The following GRIA3 variants were observed in gnomAD, a reference collection of about 807,000 sequenced individuals.
The protein encoded by GRIA3 is glutamate ionotropic receptor AMPA type subunit 3, also known as glutamate receptor 3.
In GRIA3, 3 loss-of-function variants were observed where a neutral mutation model predicts 63.0. The observed-to-expected ratio is 0.05, with a 90% CI of 0.02 to 0.12. The LOEUF (loss-of-function observed/expected upper bound fraction) is 0.12. GRIA3 is among the 10% of genes least tolerant of loss of function. The pLI, the probability that GRIA3 is intolerant of heterozygous loss-of-function variation, is 1.00. For missense variants in GRIA3, 347 were observed against 700.9 expected (o/e 0.50, Z 5.70); for synonymous variants, 274 against 257.9 (o/e 1.06, Z -0.60).
chrX:123,191,081 G>A (rs761264782), intron 2 of GRIA3, among the ~76,000 whole-genome samples: 1 of 112,036 alleles, frequency 8.9e-6, no homozygotes, highest in Non-Finnish European at 1.9e-5. Context: ...ATAACTTTGG[G>A]GGAGACTAAT....
chrX:123,235,822 A>AT (rs1316210411), intron 2 of GRIA3, among the ~76,000 whole-genome samples: 3 of 93,945 alleles, frequency 3.2e-5, no homozygotes, highest in African/African-American at 1.2e-4. Context: ...GGCCAGATAC[A>AT]TTAAAAAAAA....
At chrX:123,403,189 A>G in intron 8 of GRIA3, 91 bp downstream of exon 8, 5 of 627,031 alleles carry the variant, frequency 8.0e-6, no homozygotes, top group East Asian at 3.3e-5. Context: ...ATTTTACAAA[A>G]TATCAGTAAG....
chrX:123,303,931 GA>G (rs760971977), intron 3 of GRIA3, among the ~76,000 whole-genome samples: 30 of 109,958 alleles, frequency 2.7e-4, no homozygotes, highest in East Asian at 8.6e-4. Context: ...GAGATTTTAG[GA>G]AAAAAAAAAT....
rs1360551440 is a variant in GRIA3, at chrX:123,302,108, C to T, written c.509-23918C>T. ...TAAGAAATGGTGTTTCTGTGCAAAG[C>T]ACACCTTTAAAAGACAGACTGAACA... is the stretch of plus-strand genomic sequence containing the variant. On this transcript the variant is annotated intron_variant, in intron 3 of 15. Transcript: ENST00000620443. Among the ~76,000 whole-genome samples the T allele has an allele frequency of 3.6e-5, 4 of 111,970 alleles. No homozygotes were observed. In the Admixed American group the frequency reaches 3.8e-4, roughly 11 times the overall value.
At chrX:123,225,710 A>G (rs765061476) in intron 2 of GRIA3, among the ~76,000 whole-genome samples, 1 of 111,988 alleles carries the variant, frequency 8.9e-6, no homozygotes, top group African/African-American at 3.2e-5. Context: ...TAATACACCA[A>G]GCAATAACTT....
chrX:123,252,341 C>T (rs1482652493), intron 2 of GRIA3, among the ~76,000 whole-genome samples: 4 of 112,523 alleles, frequency 3.6e-5, no homozygotes, highest in Admixed American at 1.9e-4. Context: ...CCTTAAATCA[C>T]ACCACATTAT....
intron 3 of GRIA3, among the ~76,000 whole-genome samples, chrX:123,306,060 G>C (rs905239774): frequency 1.8e-5 from 2 of 111,595 alleles, no homozygotes; most frequent in African/African-American, 6.5e-5. Flanking sequence ...CCCTCAGATT[G>C]ATCATTCAAG....
rs185974159 is a variant in GRIA3, at chrX:123,450,927, G to A, written c.2077-13938G>A. 2.1e-3 allele frequency among the ~76,000 whole-genome samples: 232 copies of A among 111,977 alleles called. 1 individual carries two copies. Among genetic ancestry groups the A allele is most frequent in the African/African-American group, 7.3e-3 (225 of 30,791 alleles). ...CGTGGAGAGAAAAGCATTCCAGATGGAATAGCGTTAGCAAAGGCCCTGACA... is the reference window on the plus strand; with the variant it reads ...CGTGGAGAGAAAAGCATTCCAGATGAAATAGCGTTAGCAAAGGCCCTGACA... On this transcript the variant is annotated intron_variant, in intron 12 of 15. Transcript: ENST00000620443.
At chrX:123,402,123 C>G (rs1286351599) in intron 7 of GRIA3, among the ~76,000 whole-genome samples, 1 of 110,880 alleles carries the variant, frequency 9.0e-6, no homozygotes, top group African/African-American at 3.3e-5. Context: ...GTGCTCCATA[C>G]TCCTGACCCC....
rs778681545 is a variant in GRIA3, at chrX:123,465,019, T to C, written c.2231T>C (p.Ile744Thr). ...CTGGAGTCAACCATGAATGAGTACA[T>C]TGAGCAGAGAAAACCATGTGATACG... ...FLLESTMNEY[I>T]EQRKPCDTMK... The change falls in exon 13 of 16, where the codon ATT (isoleucine) becomes ACT (threonine). Residue 744 changes from isoleucine to threonine, a missense_variant. Coordinates refer to ENST00000620443, the MANE Select transcript of GRIA3 (RefSeq NM_007325.5). The C allele has an allele frequency of 8.3e-7, 1 of 1,209,744 alleles. No individual in the cohort carries two copies. The highest frequency in any genetic ancestry group is 1.1e-6 in the Non-Finnish European group (1 of 893,914).
intron 3 of GRIA3, among the ~76,000 whole-genome samples, chrX:123,290,390 T>C (rs1209867435): frequency 8.9e-6 from 1 of 111,820 alleles, no homozygotes; most frequent in African/African-American, 3.2e-5. Flanking sequence ...CATTGTGAGC[T>C]TCTCAATACA....
At chrX:123,486,308 G>A (rs1254844919) in intron 15 of GRIA3, among the ~76,000 whole-genome samples, 2 of 111,891 alleles carry the variant, frequency 1.8e-5, no homozygotes, top group South Asian at 7.5e-4. Context: ...AAACTAATAT[G>A]CCACAACTTC....
intron 5 of GRIA3, among the ~76,000 whole-genome samples, chrX:123,365,399 T>C (rs1223210648): frequency 9.0e-6 from 1 of 111,668 alleles, no homozygotes; most frequent in African/African-American, 3.3e-5. Flanking sequence ...AAAGAGTGCA[T>C]GATGTGGCTA....
rs1165928855 is a variant in GRIA3, at chrX:123,487,311, G to A, written c.*3-1402G>A. Among the ~76,000 whole-genome samples, 3 of 112,670 alleles carry A rather than the reference G, an allele frequency of 2.7e-5. No homozygotes were observed. The East Asian group carries it at 8.3e-4, about 31-fold the overall frequency. ...CTTCAAAAATATTTTTGAAATCTCT[G>A]TCCTTTACAAGACCTCAACATGCCT... On this transcript the variant is annotated intron_variant, in intron 15 of 15. Transcript: ENST00000620443.
At chrX:123,278,370 G>A (rs1245200723) in intron 3 of GRIA3, among the ~76,000 whole-genome samples, 1 of 112,188 alleles carries the variant, frequency 8.9e-6, no homozygotes, top group Non-Finnish European at 1.9e-5. Context: ...CCATGCTGTA[G>A]GTTGTGTCCC....
At chrX:123,387,295 C>T (rs2045359111) in intron 5 of GRIA3, among the ~76,000 whole-genome samples, 1 of 110,813 alleles carries the variant, frequency 9.0e-6, no homozygotes, top group Admixed American at 9.6e-5. Flanking sequence ...ATTTTATATC[C>T]TGCAATTTTA....
intron 5 of GRIA3, among the ~76,000 whole-genome samples, chrX:123,385,048 G>T (rs2045346792): frequency 8.9e-6 from 1 of 111,857 alleles, no homozygotes; most frequent in Admixed American, 9.5e-5. Context: ...ATTGCTTTTG[G>T]CATCTTCCTC....
At chrX:123,391,171 G>A (rs1187010692) in intron 5 of GRIA3, among the ~76,000 whole-genome samples, 2 of 111,227 alleles carry the variant, frequency 1.8e-5, no homozygotes, top group Non-Finnish European at 3.8e-5. Flanking sequence ...TCTATTGCTG[G>A]AGAAGTATTG....
At chrX:123,295,582 T>C (rs2044680853) in intron 3 of GRIA3, among the ~76,000 whole-genome samples, 1 of 111,035 alleles carries the variant, frequency 9.0e-6, no homozygotes, top group Non-Finnish European at 1.9e-5. Flanking sequence ...TTCTGAGTTA[T>C]GGTCACCCTG....
Sources: allele counts gnomAD v4.1 joint callset (sites outside exome capture counted in the v4.1 genomes callset), GRCh38; gene constraint gnomAD v4.1.1; transcripts MANE v1.5; gene names NCBI Gene and HGNC (gene_info 2026-07-23, HGNC 2026-07-21).